The following WNK4 variants were observed in gnomAD, a reference collection of about 807,000 sequenced individuals.
WNK4 encodes serine/threonine-protein kinase WNK4.
In WNK4, 94 loss-of-function variants were observed where a neutral mutation model predicts 116.2. The ratio of observed to expected loss-of-function variants is 0.81; its 90% CI spans 0.68 to 0.96. The LOEUF (loss-of-function observed/expected upper bound fraction) is 0.96, where lower values mean the gene tolerates loss of function less well. WNK4 is among the 40% of genes least tolerant of loss of function. The pLI is 0.00. For missense variants in WNK4, 1,542 were observed against 1,650.6 expected (o/e 0.93, Z 1.14); for synonymous variants, 655 against 672.7 (o/e 0.97, Z 0.41).
chr17:42,791,731 A>G (rs1306913780), intron 11 of WNK4, among the ~76,000 whole-genome samples: 4 of 152,006 alleles, frequency 2.6e-5, no homozygotes, highest in Admixed American at 2.6e-4. Flanking sequence ...AGGCTGAGGC[A>G]GGTAGATCAC....
chr17:42,791,207 C>G (rs555319903), intron 11 of WNK4, among the ~76,000 whole-genome samples: 1 of 152,346 alleles, frequency 6.6e-6, no homozygotes, highest in South Asian at 2.1e-4. Flanking sequence ...CAGCAGAATT[C>G]TCCTGAGACT....
chr17:42,788,497 G>C (rs1233573607), intron 10 of WNK4, 90 bp downstream of exon 10: 14 of 1,369,906 alleles, frequency 1.0e-5, no homozygotes, highest in East Asian at 2.3e-5. Context: ...CAGAAAACGG[G>C]AGAAGCAGTG....
intron 13 of WNK4, 50 bp downstream of exon 13, chr17:42,794,718 T>C: frequency 5.0e-6 from 8 of 1,613,914 alleles, no homozygotes; most frequent in Non-Finnish European, 6.8e-6. Context: ...GGGTTGCTCC[T>C]GGGAAGGGCA....
rs769065468 is a variant in WNK4, at chr17:42,795,450, C to T, written c.2962-11C>T. ...TGCACTCTTCCCTTCTCATGGCCCCCCACTTTCTAGGCCTCACCACCTCCT... is the reference window on the plus strand; with the variant it reads ...TGCACTCTTCCCTTCTCATGGCCCCTCACTTTCTAGGCCTCACCACCTCCT... On this transcript the variant is annotated splice_polypyrimidine_tract_variant and intron_variant, in intron 14 of 18. Coordinates refer to ENST00000246914, the MANE Select transcript of WNK4 (RefSeq NM_032387.5). The T allele has an allele frequency of 6.2e-7, 1 of 1,614,196 alleles. No individual in the cohort carries two copies. Among genetic ancestry groups the T allele is most frequent in the Non-Finnish European group, 8.5e-7 (1 of 1,180,034 alleles).
At chr17:42,796,660 TTCA>T in intron 18 of WNK4, 23 bp from the exon 19 acceptor site, 1 of 1,614,220 alleles carries the variant, frequency 6.2e-7, no homozygotes, top group Non-Finnish European at 8.5e-7. Context: ...TGGAGGTTTC[TTCA>T]TCACTTTTTC....
At position 42,782,800 on chromosome 17, in the gene WNK4, G is replaced by C; in HGVS notation, c.661G>C (p.Glu221Gln). The C allele has an allele frequency of 6.2e-7, 1 of 1,614,190 alleles. No individual in the cohort carries two copies. The highest frequency in any genetic ancestry group is 1.1e-5 in the South Asian group (1 of 91,084). Residue 221 changes from glutamate to glutamine, a missense_variant, in exon 2 of 19, where the codon GAG becomes CAG. Transcript: ENST00000246914. This position sits in a 1 kb window ranked among gnomAD's most constrained non-coding sequence, Gnocchi z 4.2. ...AGCTGAGCGGCAGCGCTTCTCAGAG[G>C]AGGTGGAGATGCTCAAGGGGCTGCA... Reference protein sequence around the residue: ...SRAERQRFSEEVEMLKGLQHP... With the variant: ...SRAERQRFSEQVEMLKGLQHP...
chr17:42,793,909 G>A (rs1406349428), intron 12 of WNK4, 180 bp downstream of exon 12: 1 of 726,486 alleles, frequency 1.4e-6, no homozygotes, highest in Non-Finnish European at 2.2e-6. Context: ...CTGGAGTGCA[G>A]TGGCACGATC....
chr17:42,783,101 G>T (rs2054503064), intron 2 of WNK4, among the ~76,000 whole-genome samples, 171 bp downstream of exon 2: 1 of 152,068 alleles, frequency 6.6e-6, no homozygotes, highest in Non-Finnish European at 1.5e-5. Flanking sequence ...TGTCCACCCA[G>T]CACTCCAGTA....
chr17:42,780,646 C>T lies in WNK4; in HGVS notation c.-53C>T, dbSNP rs1413933858. The T allele has an allele frequency of 1.9e-5, 31 of 1,595,780 alleles. No homozygotes were observed. Among genetic ancestry groups the T allele is most frequent in the Non-Finnish European group, 2.5e-5 (29 of 1,178,040 alleles). The stretch of plus-strand genomic sequence containing the variant: ...CACCCAGCGAGTCCGTCTGTCAGGC[C>T]GCCTCCTCTCCGGCCGTCTGATTTT... On this transcript the variant is annotated 5_prime_UTR_variant, in exon 1 of 19. Transcript: ENST00000246914.
rs533542412 is a variant in WNK4 at position 42,796,652 on chromosome 17, G to T, written c.3730-34G>T. On this transcript the variant is annotated intron_variant, in intron 18 of 18. Transcript: ENST00000246914. Reference sequence around the variant, plus strand: ...GCAGCTTCGCCTTCCTCCCACCTTGGAGGTTTCTTCATCACTTTTTCTTTT... The same window carrying T: ...GCAGCTTCGCCTTCCTCCCACCTTGTAGGTTTCTTCATCACTTTTTCTTTT... 26 of 1,614,216 alleles carry T rather than the reference G, an allele frequency of 1.6e-5. No individual in the cohort carries two copies. In the East Asian group the frequency reaches 5.1e-4, roughly 32 times the overall value.
At position 42,793,627 on chromosome 17, in the gene WNK4, T is replaced by C. The variant is rs1238398309; in HGVS notation, c.2193T>C (p.Asp731=). 1.4e-5 allele frequency: 23 copies of C among 1,613,960 alleles called. No homozygotes were observed. Among genetic ancestry groups the C allele is most frequent in the Middle Eastern group, 1.6e-4 (1 of 6,084 alleles). Residue 731 remains aspartate, a synonymous_variant, in exon 12 of 19, where the codon GAT becomes GAC. Transcript: ENST00000246914. ...AGTTCATTCTGCCTTCGGAGCGAGA[T>C]GGATTTCTCAGACGGATTCGGGAGA... ...YNEFILPSER[D]GFLRRIREII... is the part of the protein sequence containing the mutation.
At position 42,795,400 on chromosome 17, in the gene WNK4, A is replaced by C; in HGVS notation, c.2961+18A>C. On this transcript the variant is annotated intron_variant, in intron 14 of 18. Transcript: ENST00000246914. Reference sequence around the variant, plus strand: ...AGAGTGAGGTGAGTAGAAAACCAAGAGGGATGATTAGGGAGACTCCACTCT... The same window carrying C: ...AGAGTGAGGTGAGTAGAAAACCAAGCGGGATGATTAGGGAGACTCCACTCT... 6.2e-7 allele frequency: 1 copy of C among 1,614,044 alleles called. No homozygotes were observed.
Position 42,782,183 on chromosome 17 carries a change from A to AG in WNK4, c.619-573dup, listed in dbSNP as rs1481804596. The stretch of plus-strand genomic sequence containing the variant: ...CCCAGGCTCTGGGCCAGGCCAGGAG[A>AG]GGCAGCCAAATTGGGGGGTGAGGGG... On this transcript the variant is annotated intron_variant, in intron 1 of 18. Transcript: ENST00000246914. This position sits in a 1 kb window ranked among gnomAD's most constrained non-coding sequence, Gnocchi z 4.2. Among the ~76,000 whole-genome samples, 9 of 132,240 alleles carry AG rather than the reference A, an allele frequency of 6.8e-5. No individual in the cohort carries two copies. In the South Asian group the frequency reaches 1.3e-3, roughly 19 times the overall value. The allele number at this position is 132,240 out of a possible 152,430, so 86.8% of individuals were successfully genotyped here.
Position 42,796,866 on chromosome 17 carries a change from T to C in WNK4, c.*178T>C, listed in dbSNP as rs887774173. ...CCATTATAGTGAAGAGCCAAACATA[T>C]GTGAACTGTTTGCTGTGTGGAGGTG... On this transcript the variant is annotated 3_prime_UTR_variant, in exon 19 of 19. Coordinates refer to ENST00000246914, the MANE Select transcript of WNK4 (RefSeq NM_032387.5). 2.8e-5 allele frequency: 35 copies of C among 1,256,850 alleles called. No individual in the cohort carries two copies. The highest frequency in any genetic ancestry group is 3.6e-5 in the Non-Finnish European group (32 of 894,684). 77.9% of individuals were successfully genotyped at this position (1,256,850 alleles called of 1,614,324 possible).
In WNK4 at chr17:42,784,045, C is replaced by T. The variant is rs921379364; in HGVS notation, c.900C>T (p.His300=). The change falls in exon 3 of 19, where the codon CAC becomes CAT. Residue 300 remains histidine (H), a synonymous_variant. Coordinates refer to ENST00000246914, the MANE Select transcript of WNK4 (RefSeq NM_032387.5). The surrounding 1 kb of genome is among the most constrained non-coding windows in gnomAD (Gnocchi z 4.4). The stretch of plus-strand genomic sequence containing the variant: ...ACTCCCGGGTTCCTCCCATCCTGCA[C>T]CGGGATCTCAAGTGCGACAATGTCT... ...FLHSRVPPIL[H]RDLKCDNVFI... is the part of the protein sequence containing the mutation. The T allele has an allele frequency of 1.2e-6, 2 of 1,613,824 alleles. No individual in the cohort carries two copies. The highest frequency in any genetic ancestry group is 2.7e-5 in the African/African-American group (2 of 74,932).
chr17:42,785,014 G>C, intron 4 of WNK4, 83 bp from the exon 5 acceptor site: 1 of 1,399,432 alleles, frequency 7.1e-7, no homozygotes, highest in Non-Finnish European at 9.9e-7. Flanking sequence ...CCTAAGGAGG[G>C]AGTGGAGTAA....
At chr17:42,787,242 C>T (rs1378393747) in intron 6 of WNK4, 36 bp from the exon 7 acceptor site, 1 of 1,611,900 alleles carries the variant, frequency 6.2e-7, no homozygotes, top group Non-Finnish European at 8.5e-7. Flanking sequence ...ATAGGGGGTC[C>T]CAAGCTGTGT....
At chr17:42,785,891 G>A (rs1343682277) in intron 6 of WNK4, among the ~76,000 whole-genome samples, 1 of 151,930 alleles carries the variant, frequency 6.6e-6, no homozygotes, top group Admixed American at 6.6e-5. Context: ...GCATGTTCTC[G>A]GTTACAGCAC....
chr17:42,789,383 G>A (rs534828514), intron 11 of WNK4, among the ~76,000 whole-genome samples: 6 of 152,234 alleles, frequency 3.9e-5, no homozygotes, highest in East Asian at 3.9e-4. Context: ...GAGGCCAGGC[G>A]TGGTGGCTCA....
Sources: gnomAD v4.1 joint callset for allele counts (sites outside exome capture counted in the v4.1 genomes callset) on GRCh38, gnomAD v4.1.1 for gene constraint, Gnocchi (gnomAD v3.1) non-coding constraint, MANE v1.5 for transcripts, NCBI Gene and HGNC (gene_info 2026-07-23, HGNC 2026-07-21) for gene names.